DIAPH3: variants seen among roughly 807,000 people sequenced by gnomAD.
DIAPH3 encodes the protein protein diaphanous homolog 3.
A neutral mutation model predicts 144.3 loss-of-function variants in DIAPH3; 117 were observed. That is an observed-to-expected ratio of 0.81 (90% CI 0.70 to 0.95). DIAPH3 has a LOEUF of 0.95. Among genes scored for constraint, DIAPH3 ranks in the 40% least tolerant of loss-of-function variants. The pLI, the probability that DIAPH3 is intolerant of heterozygous loss-of-function variation, is 0.00. For missense variants in DIAPH3, 1,421 were observed against 1,412.7 expected (o/e 1.01, Z -0.09); for synonymous variants, 519 against 488.9 (o/e 1.06, Z -0.81).
In DIAPH3 at chr13:59,790,215, T is replaced by TA. The variant is rs545966636; in HGVS notation, c.3164-15393dup. On this transcript the variant is annotated intron_variant, in intron 25 of 27. Transcript: ENST00000400324. ...ATGAAATTGCTTAATACTGAGGCAA[T>TA]AGAGGTGAAGAGCTATAGCTATGGT... Among the ~76,000 whole-genome samples, 5 of 152,286 alleles carry TA rather than the reference T, an allele frequency of 3.3e-5. No individual in the cohort carries two copies. The South Asian group carries it at 1.0e-3, about 32-fold the overall frequency.
At position 59,911,818 on chromosome 13, in the gene DIAPH3, G is replaced by C. The variant is rs1271596868; in HGVS notation, c.2284C>G (p.Pro762Ala). ...AATGAATTTAATTGCTCTTGATCAGGAAGATGCTTTATTAAGTTCTAAAAA... is the reference window on the plus strand; with the variant it reads ...AATGAATTTAATTGCTCTTGATCAGCAAGATGCTTTATTAAGTTCTAAAAA... ...SMIQNLIKHL[P>A]DQEQLNSLSQ... Residue 762 changes from proline to alanine, a missense_variant, in exon 20 of 28, where the codon CCT becomes GCT. Physicochemically the swap from Pro to Ala is conservative, Grantham distance 27 (BLOSUM62 -1). Transcript: ENST00000400324. The C allele has an allele frequency of 3.7e-6, 6 of 1,612,162 alleles. No individual in the cohort carries two copies. Among genetic ancestry groups the C allele is most frequent in the East Asian group, 4.5e-5 (2 of 44,764 alleles).
chr13:59,787,271 T>C (rs2039083619), intron 25 of DIAPH3, among the ~76,000 whole-genome samples: 1 of 152,228 alleles, frequency 6.6e-6, no homozygotes. Flanking sequence ...ACCTTGTTAT[T>C]TATACCAAAA....
intron 4 of DIAPH3, among the ~76,000 whole-genome samples, chr13:60,045,402 C>G (rs540931455): frequency 6.6e-6 from 1 of 151,918 alleles, no homozygotes; most frequent in Non-Finnish European, 1.5e-5. Context: ...TTATTAGCAG[C>G]GCGAGAAAAA....
intron 14 of DIAPH3, among the ~76,000 whole-genome samples, chr13:59,980,212 T>A (rs1426643236): frequency 6.6e-6 from 1 of 151,630 alleles, no homozygotes; most frequent in African/African-American, 2.4e-5. Flanking sequence ...CCAACAGCTA[T>A]GACCTATGAA....
intron 18 of DIAPH3, among the ~76,000 whole-genome samples, chr13:59,921,432 G>A (rs1173050765): frequency 6.6e-6 from 1 of 151,404 alleles, no homozygotes; most frequent in Admixed American, 6.6e-5. Flanking sequence ...AATTATATGA[G>A]ACTATTTTGA....
intron 23 of DIAPH3, 120 bp downstream of exon 23, chr13:59,839,204 A>C: frequency 7.9e-7 from 1 of 1,264,428 alleles, no homozygotes; most frequent in African/African-American, 1.5e-5. Flanking sequence ...GCAAAGGTTA[A>C]ACTTTCTGTA....
intron 5 of DIAPH3, among the ~76,000 whole-genome samples, chr13:60,020,281 G>C (rs759336087): frequency 1.8e-4 from 27 of 152,156 alleles, no homozygotes; most frequent in Admixed American, 4.6e-4. Flanking sequence ...AGAGATGACA[G>C]ATCTCCACAC....
At chr13:59,983,606 A>G (rs2051171793) in intron 13 of DIAPH3, among the ~76,000 whole-genome samples, 163 bp downstream of exon 13, 1 of 151,574 alleles carries the variant, frequency 6.6e-6, no homozygotes, top group South Asian at 2.1e-4. Flanking sequence ...CAAAATACCA[A>G]CCCAATAAAA....
chr13:59,785,590 A>C (rs1361773123), intron 25 of DIAPH3, among the ~76,000 whole-genome samples: 1 of 152,198 alleles, frequency 6.6e-6, no homozygotes, highest in East Asian at 1.9e-4. Flanking sequence ...AAGGCTTAAA[A>C]AATATTAGCT....
At chr13:60,042,946 G>T in intron 4 of DIAPH3, 126 bp from the exon 5 acceptor site, 1 of 1,097,530 alleles carries the variant, frequency 9.1e-7, no homozygotes. Context: ...GGCAAGGGTG[G>T]TAAATAATTT....
chr13:59,761,450 T>C (rs2037581633), intron 27 of DIAPH3, among the ~76,000 whole-genome samples: 1 of 151,774 alleles, frequency 6.6e-6, no homozygotes, highest in Non-Finnish European at 1.5e-5. Context: ...AAATGTAGAG[T>C]GGTACTTGAT....
At chr13:59,813,209 C>A (rs539051708) in intron 24 of DIAPH3, among the ~76,000 whole-genome samples, 1 of 151,978 alleles carries the variant, frequency 6.6e-6, no homozygotes, top group Admixed American at 6.6e-5. Context: ...TTGTCTCTGA[C>A]CCCACATCCA....
At chr13:59,859,252 T>C (rs1460680304) in intron 22 of DIAPH3, among the ~76,000 whole-genome samples, 2 of 152,072 alleles carry the variant, frequency 1.3e-5, no homozygotes, top group South Asian at 2.1e-4. Context: ...ATACTAACGG[T>C]GTCTGCTGAC....
At chr13:59,888,193 G>C (rs1381360727) in intron 20 of DIAPH3, among the ~76,000 whole-genome samples, 1 of 151,962 alleles carries the variant, frequency 6.6e-6, no homozygotes, top group Non-Finnish European at 1.5e-5. Context: ...CATGAGGGCA[G>C]AGTCCTCATG....
intron 24 of DIAPH3, among the ~76,000 whole-genome samples, chr13:59,824,872 G>T (rs2041290076): frequency 6.6e-6 from 1 of 151,994 alleles, no homozygotes; most frequent in Non-Finnish European, 1.5e-5. Flanking sequence ...AAGTGTAGTG[G>T]CCTTTTTCAG....
At chr13:60,144,606 G>A (rs1218759808) in intron 1 of DIAPH3, 1 of 152,148 alleles carries the variant, frequency 6.6e-6, no homozygotes, top group African/African-American at 2.4e-5. Flanking sequence ...TTCTAGAATT[G>A]GAATTCAGAT....
chr13:59,711,085 T>G (rs2034709685), intron 27 of DIAPH3, among the ~76,000 whole-genome samples: 1 of 152,206 alleles, frequency 6.6e-6, no homozygotes, highest in Admixed American at 6.5e-5. Context: ...TAAATTGACT[T>G]TATGAAATAG....
In DIAPH3 at chr13:60,037,190, A is replaced by T. The variant is rs980038544; in HGVS notation, c.626+5500T>A. Among the ~76,000 whole-genome samples, 3 of 152,092 alleles carry T rather than the reference A, an allele frequency of 2.0e-5. No homozygotes were observed. In the East Asian group the frequency reaches 5.8e-4, roughly 29 times the overall value. Reference sequence around the variant, plus strand: ...ACCTGATTAAATATCATTTTTAAAAAAGATATTTTCAAACAGAATTTTGCC... The same window carrying T: ...ACCTGATTAAATATCATTTTTAAAATAGATATTTTCAAACAGAATTTTGCC... On this transcript the variant is annotated intron_variant, in intron 5 of 27. Coordinates refer to ENST00000400324, the MANE Select transcript of DIAPH3 (RefSeq NM_001042517.2).
intron 22 of DIAPH3, among the ~76,000 whole-genome samples, chr13:59,843,776 C>T (rs956359377): frequency 6.6e-6 from 1 of 152,182 alleles, no homozygotes; most frequent in Admixed American, 6.5e-5. Context: ...AGGACCAACA[C>T]ACACTTGGAA....
Sources: allele counts gnomAD v4.1 joint callset (sites outside exome capture counted in the v4.1 genomes callset), GRCh38; gene constraint gnomAD v4.1.1; transcripts MANE v1.5; gene names NCBI Gene and HGNC (gene_info 2026-07-23, HGNC 2026-07-21).